The following DLGAP2 variants were observed in gnomAD, a reference collection of about 807,000 sequenced individuals.
DLGAP2 encodes the protein DLG associated protein 2, also known as disks large-associated protein 2.
In DLGAP2, 26 loss-of-function variants were observed where a neutral mutation model predicts 100.3. The ratio of observed to expected loss-of-function variants is 0.26; its 90% CI spans 0.19 to 0.36. The LOEUF (loss-of-function observed/expected upper bound fraction) is 0.36, where lower values mean the gene tolerates loss of function less well. Among genes scored for constraint, DLGAP2 ranks in the 10% least tolerant of loss-of-function variants. The probability of loss-of-function intolerance (pLI) is 1.00; values close to 1 mark genes in which losing one functional copy is unlikely to be tolerated. For missense variants in DLGAP2, 1,858 were observed against 1,453.2 expected, an observed-to-expected ratio of 1.28 and a Z score of -4.53; for synonymous variants, 886 against 630.1, an observed-to-expected ratio of 1.41 and a Z score of -6.08.
intron 3 of DLGAP2, among the ~76,000 whole-genome samples, chr8:1,386,125 A>G (rs934939258): frequency 6.6e-6 from 1 of 152,256 alleles, no homozygotes; most frequent in Non-Finnish European, 1.5e-5. Context: ...ATAATGGAAA[A>G]TAAGAGTAAA....
intron 1 of DLGAP2, among the ~76,000 whole-genome samples, chr8:809,671 G>A (rs958334242): frequency 4.6e-5 from 7 of 152,154 alleles, no homozygotes; most frequent in Non-Finnish European, 1.0e-4. Context: ...GGTGAAGAAC[G>A]GATGTGTTGT....
At chr8:1,424,694 T>G (rs1368317266) in intron 3 of DLGAP2, among the ~76,000 whole-genome samples, 1 of 152,126 alleles carries the variant, frequency 6.6e-6, no homozygotes, top group Non-Finnish European at 1.5e-5. Flanking sequence ...AGGAGTCAGA[T>G]GCACAGACAG....
chr8:895,658 G>C (rs934113253), intron 1 of DLGAP2, among the ~76,000 whole-genome samples: 16 of 152,234 alleles, frequency 1.1e-4, no homozygotes, highest in African/African-American at 2.9e-4. Context: ...GGGTTCACGA[G>C]GTTTATGAGA....
intron 10 of DLGAP2, among the ~76,000 whole-genome samples, chr8:1,673,087 T>A (rs1257287806): frequency 2.6e-5 from 4 of 152,308 alleles, no homozygotes; most frequent in Non-Finnish European, 2.9e-5. Context: ...ATTCATCTTT[T>A]TTTCTTGCAC....
intron 4 of DLGAP2, among the ~76,000 whole-genome samples, chr8:1,525,951 G>A (rs924100081): frequency 4.6e-5 from 7 of 152,080 alleles, no homozygotes; most frequent in South Asian, 2.1e-4. Context: ...GGCATTAGAC[G>A]TGTTTCAGAT....
chr8:1,173,065 GA>G (rs1167181997), intron 2 of DLGAP2, among the ~76,000 whole-genome samples: 2 of 152,080 alleles, frequency 1.3e-5, no homozygotes, highest in Non-Finnish European at 2.9e-5. Context: ...TTTTGGTGTG[GA>G]TGTCCTTTCT....
chr8:1,325,240 C>T (rs540048209), intron 3 of DLGAP2, among the ~76,000 whole-genome samples: 1 of 152,328 alleles, frequency 6.6e-6, no homozygotes, highest in Non-Finnish European at 1.5e-5. Flanking sequence ...GACAGTCATT[C>T]CACGACCCCA....
intron 1 of DLGAP2, among the ~76,000 whole-genome samples, chr8:857,863 T>G (rs1797310418): frequency 7.1e-6 from 1 of 141,324 alleles, no homozygotes; most frequent in Non-Finnish European, 1.5e-5. Flanking sequence ...ACACAAAAAC[T>G]TGCACATGAT....
At chr8:1,293,527 C>T (rs1800105823) in intron 3 of DLGAP2, among the ~76,000 whole-genome samples, 1 of 152,224 alleles carries the variant, frequency 6.6e-6, no homozygotes, top group Admixed American at 6.5e-5. Flanking sequence ...CATTATCTTC[C>T]TTTGGGCCTG....
chr8:1,458,578 C>T (rs1798384426), intron 3 of DLGAP2, among the ~76,000 whole-genome samples: 1 of 152,186 alleles, frequency 6.6e-6, no homozygotes, highest in Non-Finnish European at 1.5e-5. Flanking sequence ...CTACAAATTT[C>T]TGCAAAGTGG....
chr8:848,261 GTATAGGATCGTGTGGTGTGTGTTCCAA>G (rs1322598441), intron 1 of DLGAP2, among the ~76,000 whole-genome samples: 2 of 151,880 alleles, frequency 1.3e-5, no homozygotes, highest in Non-Finnish European at 2.9e-5. Context: ...TAGTATTCCA[GTATAGGATCGTGTGGTGTGTGTTCCAA>G]TATAGAAACG....
chr8:1,644,560 A>G (rs1167173021), intron 8 of DLGAP2, among the ~76,000 whole-genome samples: 2 of 152,210 alleles, frequency 1.3e-5, no homozygotes. Flanking sequence ...CGCGCTCCTG[A>G]TCTGATCAGC....
intron 2 of DLGAP2, among the ~76,000 whole-genome samples, chr8:1,065,641 C>T (rs560215909): frequency 6.6e-6 from 1 of 152,270 alleles, no homozygotes; most frequent in Non-Finnish European, 1.5e-5. Context: ...CTTATGGGAT[C>T]ATCAGAGACT....
At chr8:743,995 G>C (rs1246690260) in intron 1 of DLGAP2, among the ~76,000 whole-genome samples, 1 of 152,240 alleles carries the variant, frequency 6.6e-6, no homozygotes, top group African/African-American at 2.4e-5. Context: ...AGTTTCTCAA[G>C]TTTCACGTGC....
At chr8:1,609,273 T>A (rs894144871) in intron 6 of DLGAP2, among the ~76,000 whole-genome samples, 1 of 142,388 alleles carries the variant, frequency 7.0e-6, no homozygotes, top group African/African-American at 2.5e-5. Context: ...ACCCAGAATT[T>A]CATATCCAGC....
intron 2 of DLGAP2, among the ~76,000 whole-genome samples, chr8:958,416 A>G (rs1799644846): frequency 6.6e-6 from 1 of 152,108 alleles, no homozygotes; most frequent in Non-Finnish European, 1.5e-5. Context: ...TCCCTCGGGA[A>G]TGACCTACAA....
chr8:894,673 G>A, intron 1 of DLGAP2, among the ~76,000 whole-genome samples: 1 of 146,142 alleles, frequency 6.8e-6, no homozygotes, highest in South Asian at 2.2e-4. Context: ...GGGCGGGGTG[G>A]GGAAAGTGGA....
intron 6 of DLGAP2, among the ~76,000 whole-genome samples, chr8:1,603,261 AG>A (rs1292486727): frequency 6.9e-6 from 1 of 144,410 alleles, no homozygotes; most frequent in Non-Finnish European, 1.5e-5. Flanking sequence ...GTTAGAGTGG[AG>A]GCTGGGTCTC....
chr8:1,140,948 AC>A (rs1231699673), intron 2 of DLGAP2, among the ~76,000 whole-genome samples: 7 of 152,228 alleles, frequency 4.6e-5, no homozygotes, highest in African/African-American at 1.4e-4. Context: ...ATGCCACTGC[AC>A]TCCAGCCTGG....
Sources: gnomAD v4.1 joint callset for allele counts (sites outside exome capture counted in the v4.1 genomes callset) on GRCh38, gnomAD v4.1.1 for gene constraint, MANE v1.5 for transcripts, NCBI Gene and HGNC (gene_info 2026-07-23, HGNC 2026-07-21) for gene names.